The following FAM168A variants were observed in gnomAD, a reference collection of about 807,000 sequenced individuals.
The protein encoded by FAM168A is protein FAM168A.
In FAM168A, 3 loss-of-function variants were observed where a neutral mutation model predicts 28.5. The ratio of observed to expected loss-of-function variants is 0.11; its 90% CI spans 0.05 to 0.27. The LOEUF is 0.27. FAM168A is among the 10% of genes least tolerant of loss of function. FAM168A has a pLI of 1.00. For missense variants in FAM168A, 222 were observed against 311.5 expected, an observed-to-expected ratio of 0.71 and a Z score of 2.16; for synonymous variants, 122 against 124.2, an observed-to-expected ratio of 0.98 and a Z score of 0.12.
intron 1 of FAM168A, among the ~76,000 whole-genome samples, chr11:73,545,412 T>C (rs1170413600): frequency 6.6e-6 from 1 of 151,986 alleles, no homozygotes; most frequent in East Asian, 1.9e-4. Flanking sequence ...ATATCCTGAA[T>C]AGGTTAGTGA....
At chr11:73,504,701 C>T (rs550147318) in intron 1 of FAM168A, among the ~76,000 whole-genome samples, 26 of 152,274 alleles carry the variant, frequency 1.7e-4, no homozygotes, top group Non-Finnish European at 3.2e-4. Flanking sequence ...GACACATGCA[C>T]ATATATGTTT....
chr11:73,462,451 A>G (rs73544720), intron 2 of FAM168A, among the ~76,000 whole-genome samples: 12,421 of 152,202 alleles, frequency 0.082, 650 homozygotes, highest in Non-Finnish European at 0.11. Context: ...GGGGAGGGTG[A>G]AATGAAGAGT....
chr11:73,556,533 G>A (rs1943892328), intron 1 of FAM168A, among the ~76,000 whole-genome samples: 2 of 151,928 alleles, frequency 1.3e-5, no homozygotes, highest in Non-Finnish European at 2.9e-5. Flanking sequence ...ATTGTCAGGG[G>A]GGTAGGGAGA....
At chr11:73,515,026 G>A (rs769421343) in intron 1 of FAM168A, among the ~76,000 whole-genome samples, 6 of 152,066 alleles carry the variant, frequency 3.9e-5, no homozygotes, top group Non-Finnish European at 8.8e-5. Context: ...TTAAAGCAAT[G>A]GAAAGGAAAA....
chr11:73,591,208 A>C (rs1455086476), intron 1 of FAM168A, among the ~76,000 whole-genome samples: 3 of 152,194 alleles, frequency 2.0e-5, no homozygotes, highest in Admixed American at 2.0e-4. Context: ...GCAGTACAAC[A>C]AAAAGAACAA....
intron 1 of FAM168A, among the ~76,000 whole-genome samples, chr11:73,588,369 T>C (rs1944340545): frequency 6.6e-6 from 1 of 152,138 alleles, no homozygotes; most frequent in Non-Finnish European, 1.5e-5. Context: ...TTAACAAATG[T>C]GGGTTCTTAA....
chr11:73,423,570 A>G (rs898166589), intron 3 of FAM168A, among the ~76,000 whole-genome samples: 2 of 152,102 alleles, frequency 1.3e-5, no homozygotes, highest in Non-Finnish European at 2.9e-5. Flanking sequence ...TTTTGTCCAC[A>G]CTGCTACCTC....
intron 1 of FAM168A, among the ~76,000 whole-genome samples, chr11:73,552,547 T>C (rs1943841479): frequency 6.6e-6 from 1 of 152,246 alleles, no homozygotes; most frequent in Non-Finnish European, 1.5e-5. Context: ...AATATCATAG[T>C]ATGTTTCATA....
intron 2 of FAM168A, among the ~76,000 whole-genome samples, chr11:73,436,980 C>G (rs926493921): frequency 6.6e-6 from 1 of 152,160 alleles, no homozygotes; most frequent in Non-Finnish European, 1.5e-5. Flanking sequence ...AAAAGTATCA[C>G]AGGCACTGAA....
chr11:73,457,444 CA>C (rs1400129715), intron 2 of FAM168A, among the ~76,000 whole-genome samples: 1 of 150,194 alleles, frequency 6.7e-6, no homozygotes, highest in Non-Finnish European at 1.5e-5. Context: ...GGGCTAGAGG[CA>C]GGGCAAAAGA....
chr11:73,495,493 A>G (rs918916465), intron 1 of FAM168A, among the ~76,000 whole-genome samples: 3 of 152,178 alleles, frequency 2.0e-5, no homozygotes, highest in African/African-American at 7.2e-5. Flanking sequence ...CATTGAAATC[A>G]CTGGGGTGCT....
chr11:73,558,274 G>A (rs1288860900), intron 1 of FAM168A, among the ~76,000 whole-genome samples: 1 of 151,946 alleles, frequency 6.6e-6, no homozygotes, highest in Non-Finnish European at 1.5e-5. Flanking sequence ...ATCAGCTTGG[G>A]CAAATAGCAA....
intron 1 of FAM168A, among the ~76,000 whole-genome samples, chr11:73,494,766 G>A (rs542479749): frequency 2.4e-4 from 36 of 152,314 alleles, no homozygotes; most frequent in African/African-American, 7.0e-4. Flanking sequence ...TTGGGAGGCC[G>A]AGGAGGGCGG....
chr11:73,579,234 A>G (rs1176582543), intron 1 of FAM168A, among the ~76,000 whole-genome samples: 1 of 152,226 alleles, frequency 6.6e-6, no homozygotes, highest in Non-Finnish European at 1.5e-5. Flanking sequence ...CACTCAGTCC[A>G]TAGCACTACC....
intron 2 of FAM168A, among the ~76,000 whole-genome samples, chr11:73,441,319 A>G (rs532044041): frequency 6.6e-6 from 1 of 152,136 alleles, no homozygotes. Flanking sequence ...AGCCTCCCAA[A>G]GTGCTGGGAT....
At chr11:73,431,756 AT>A (rs35898448) in intron 2 of FAM168A, among the ~76,000 whole-genome samples, 2 of 151,996 alleles carry the variant, frequency 1.3e-5, no homozygotes, top group South Asian at 2.1e-4. Context: ...ATTTTTTGAA[AT>A]TTTTTTTATC....
At chr11:73,450,225 C>G (rs1867402036) in intron 2 of FAM168A, among the ~76,000 whole-genome samples, 1 of 152,208 alleles carries the variant, frequency 6.6e-6, no homozygotes, top group African/African-American at 2.4e-5. Context: ...TAACCTGCTT[C>G]TAAAGCTGTT....
At chr11:73,597,832 G>C (rs1382376770) in intron 1 of FAM168A, 91 bp downstream of exon 1, 1 of 148,840 alleles carries the variant, frequency 6.7e-6, no homozygotes. Context: ...CAACCTGCAC[G>C]GGGGCTCCGC....
At chr11:73,510,937 G>A (rs1425455860) in intron 1 of FAM168A, 7 of 241,094 alleles carry the variant, frequency 2.9e-5, no homozygotes, top group Non-Finnish European at 5.6e-5. Flanking sequence ...GCCAGATGAT[G>A]AATGCATCTG....
Sources: gnomAD v4.1 joint callset for allele counts (sites outside exome capture counted in the v4.1 genomes callset) on GRCh38, gnomAD v4.1.1 for gene constraint, MANE v1.5 for transcripts, NCBI Gene and HGNC (gene_info 2026-07-23, HGNC 2026-07-21) for gene names.